The following FGF14 variants were observed in gnomAD, a reference collection of about 807,000 sequenced individuals.
FGF14 encodes the protein fibroblast growth factor homologous factor 4.
Under a neutral mutation model 25.5 loss-of-function variants are expected in FGF14, and 5 were observed. The observed-to-expected ratio is 0.20, with a 90% CI of 0.10 to 0.41. The LOEUF (loss-of-function observed/expected upper bound fraction) is 0.41, where lower values mean the gene tolerates loss of function less well. FGF14 is among the 10% of genes least tolerant of loss of function. The pLI, the probability that FGF14 is intolerant of heterozygous loss-of-function variation, is 1.00. For missense variants in FGF14, 222 were observed against 320.1 expected (o/e 0.69, Z 2.34); for synonymous variants, 138 against 118.3 (o/e 1.17, Z -1.08).
chr13:101,754,192 C>T (rs539541291), intron 3 of FGF14, among the ~76,000 whole-genome samples: 1 of 152,130 alleles, frequency 6.6e-6, no homozygotes, highest in African/African-American at 2.4e-5. Flanking sequence ...TGCTGGGGCT[C>T]CTAGGGGCTG....
At chr13:102,144,792 A>C (rs969574018) in intron 1 of FGF14, among the ~76,000 whole-genome samples, 4 of 152,208 alleles carry the variant, frequency 2.6e-5, no homozygotes, top group African/African-American at 9.6e-5. Context: ...CACAAAGCTT[A>C]AGTCATCAAA....
At chr13:102,080,031 G>A (rs1200866328) in intron 1 of FGF14, among the ~76,000 whole-genome samples, 10 of 152,202 alleles carry the variant, frequency 6.6e-5, no homozygotes, top group South Asian at 4.1e-4. Flanking sequence ...CATTCATGAC[G>A]CACCGGGCAA....
intron 1 of FGF14, among the ~76,000 whole-genome samples, chr13:101,935,864 GATTA>G (rs1280377706): frequency 1.3e-5 from 2 of 152,176 alleles, no homozygotes; most frequent in Non-Finnish European, 2.9e-5. Context: ...TACCGTGACT[GATTA>G]ATTTGAGAAT....
At chr13:102,212,144 C>T (rs964022738) in intron 1 of FGF14, among the ~76,000 whole-genome samples, 3 of 152,182 alleles carry the variant, frequency 2.0e-5, no homozygotes, top group Non-Finnish European at 4.4e-5. Context: ...AATAGGTGAT[C>T]TTTGTGCATC....
At chr13:102,338,146 G>A (rs1398342901) in intron 1 of FGF14, among the ~76,000 whole-genome samples, 1 of 151,736 alleles carries the variant, frequency 6.6e-6, no homozygotes. Context: ...GGAATATTTT[G>A]AAAGTCTCCA....
chr13:101,802,843 A>T (rs1039287593), intron 3 of FGF14, among the ~76,000 whole-genome samples: 1 of 152,180 alleles, frequency 6.6e-6, no homozygotes, highest in Non-Finnish European at 1.5e-5. Context: ...TCAGGTGTAC[A>T]TACATATCTT....
At chr13:102,027,836 C>T (rs561961254) in intron 1 of FGF14, among the ~76,000 whole-genome samples, 1 of 152,012 alleles carries the variant, frequency 6.6e-6, no homozygotes, top group African/African-American at 2.4e-5. Context: ...CTAGGCTAAC[C>T]TGCAGGTGTT....
chr13:101,876,501 A>T (rs2045402116), intron 1 of FGF14, among the ~76,000 whole-genome samples: 1 of 152,170 alleles, frequency 6.6e-6, no homozygotes, highest in African/African-American at 2.4e-5. Context: ...ATTACAAAGA[A>T]TTTCAGTATC....
chr13:101,837,573 C>G (rs894729211), intron 3 of FGF14, among the ~76,000 whole-genome samples: 8 of 151,998 alleles, frequency 5.3e-5, no homozygotes, highest in African/African-American at 1.7e-4. Flanking sequence ...GTTTTAAAGG[C>G]TTTTATATTG....
At position 102,348,523 on chromosome 13, in the gene FGF14, TA is replaced by T. The variant is rs1167108855; in HGVS notation, c.208+52947del. Among the ~76,000 whole-genome samples the T allele has an allele frequency of 4.6e-5, 7 of 152,162 alleles. No individual in the cohort carries two copies. The East Asian group carries it at 1.2e-3, about 25-fold the overall frequency. On this transcript the variant is annotated intron_variant, in intron 1 of 4. Coordinates refer to the FGF14 transcript ENST00000376131. ...CAAGATGAAACAGAAGCAGCCAACATAAGAAAAACTAAGGGTAGCAAGCCTG... is the reference window on the plus strand; with the variant it reads ...CAAGATGAAACAGAAGCAGCCAACATAGAAAAACTAAGGGTAGCAAGCCTG...
In FGF14 at chr13:101,716,487, A is replaced by T. The variant is rs1298898142; in HGVS notation, c.*6344T>A. The T allele has an allele frequency of 1.3e-5, 2 of 152,162 alleles. No individual in the cohort carries two copies. The highest frequency in any genetic ancestry group is 4.8e-5 in the African/African-American group (2 of 41,434). The allele number at this position is 152,162 out of a possible 1,614,324, so 9.4% of individuals were successfully genotyped here. Reference sequence around the variant, plus strand: ...TATATCTACTGATAATTAAAAATGAATTGTTATTCAGGGATATCTATTTTA... The same window carrying T: ...TATATCTACTGATAATTAAAAATGATTTGTTATTCAGGGATATCTATTTTA... On this transcript the variant is annotated 3_prime_UTR_variant, in exon 5 of 5. Transcript: ENST00000376143.
intron 1 of FGF14, among the ~76,000 whole-genome samples, chr13:102,251,288 T>C (rs1333509706): frequency 6.6e-6 from 1 of 152,164 alleles, no homozygotes; most frequent in Non-Finnish European, 1.5e-5. Flanking sequence ...GAAAATTCCT[T>C]TTATTTCCTG....
At chr13:101,913,641 T>C (rs924504871) in intron 1 of FGF14, among the ~76,000 whole-genome samples, 2 of 152,182 alleles carry the variant, frequency 1.3e-5, no homozygotes, top group African/African-American at 2.4e-5. Context: ...CCTCTTTTTT[T>C]TCTCCCAATG....
rs1033531087 is a variant in FGF14 at position 102,049,326 on chromosome 13, T to C, written c.209-174030A>G. ...TTCTAGACAAAAATAAATCTGAAAATCAAATTTTTATTGACTTTAAAATCA... is the reference window on the plus strand; with the variant it reads ...TTCTAGACAAAAATAAATCTGAAAACCAAATTTTTATTGACTTTAAAATCA... On this transcript the variant is annotated intron_variant, in intron 1 of 4. Coordinates refer to the FGF14 transcript ENST00000376131. Among the ~76,000 whole-genome samples the C allele has an allele frequency of 2.0e-5, 3 of 152,128 alleles. No homozygotes were observed. In the South Asian group the frequency reaches 6.2e-4, roughly 31 times the overall value.
chr13:101,940,584 T>A (rs1248253637), intron 1 of FGF14, among the ~76,000 whole-genome samples: 1 of 152,198 alleles, frequency 6.6e-6, no homozygotes, highest in African/African-American at 2.4e-5. Flanking sequence ...CTACTCCATA[T>A]CACCTCCTCA....
intron 3 of FGF14, among the ~76,000 whole-genome samples, chr13:101,844,757 T>C (rs1250329308): frequency 6.6e-6 from 1 of 151,994 alleles, no homozygotes; most frequent in Non-Finnish European, 1.5e-5. Flanking sequence ...GCTATTTGCT[T>C]AGGAAAAATT....
At chr13:102,088,742 TTTATA>T (rs1478975264) in intron 1 of FGF14, among the ~76,000 whole-genome samples, 3 of 152,158 alleles carry the variant, frequency 2.0e-5, no homozygotes, top group Non-Finnish European at 4.4e-5. Flanking sequence ...ATTTGGGTAC[TTTATA>T]TTAAATTAAA....
At chr13:102,224,506 T>A (rs969612030) in intron 1 of FGF14, among the ~76,000 whole-genome samples, 12 of 152,244 alleles carry the variant, frequency 7.9e-5, no homozygotes, top group African/African-American at 2.6e-4. Context: ...CCATTTATCA[T>A]TACCACAAGT....
rs368674294 is a variant in FGF14 at position 102,005,113 on chromosome 13, T to A, written c.209-129817A>T. Among the ~76,000 whole-genome samples the A allele has an allele frequency of 2.8e-4, 42 of 152,336 alleles. No individual in the cohort carries two copies. The East Asian group carries it at 7.5e-3, about 27-fold the overall frequency. ...AGGCAATGGATGACATTTGGACATA[T>A]GATTTCATTTATTACTGGGATTTAT... On this transcript the variant is annotated intron_variant, in intron 1 of 4. Coordinates refer to the FGF14 transcript ENST00000376131.
Sources: allele counts gnomAD v4.1 joint callset (sites outside exome capture counted in the v4.1 genomes callset), GRCh38; gene constraint gnomAD v4.1.1; transcripts MANE v1.5; gene names NCBI Gene and HGNC (gene_info 2026-07-23, HGNC 2026-07-21).